The following HTT-AS variants were observed in gnomAD, a reference collection of about 807,000 sequenced individuals.
The protein encoded by HTT-AS is HTT antisense RNA, also known as HTT antisense RNA (head to head).
intron 1 of HTT-AS, among the ~76,000 whole-genome samples, chr4:3,066,310 C>T (rs1203042427): frequency 6.6e-6 from 1 of 152,028 alleles, no homozygotes; most frequent in Non-Finnish European, 1.5e-5. Context: ...GCTGGGATTA[C>T]AGGCTCCCGC....
chr4:3,066,060 G>A (rs199694226), intron 1 of HTT-AS, among the ~76,000 whole-genome samples: 2 of 152,082 alleles, frequency 1.3e-5, no homozygotes, highest in African/African-American at 2.4e-5. Flanking sequence ...AGCAGCTTTC[G>A]GGGCTGGAAG....
chr4:3,071,309 C>T (rs1348575362), intron 1 of HTT-AS, among the ~76,000 whole-genome samples: 1 of 152,206 alleles, frequency 6.6e-6, no homozygotes, highest in African/African-American at 2.4e-5. Context: ...CAGCTCCCAT[C>T]ACCCCAGGAT....
intron 1 of HTT-AS, among the ~76,000 whole-genome samples, chr4:3,064,727 T>C (rs1287103625): frequency 2.0e-5 from 3 of 152,204 alleles, no homozygotes; most frequent in Non-Finnish European, 4.4e-5. Context: ...TAGCACACCT[T>C]AGAGAGCAAA....
intron 1 of HTT-AS, among the ~76,000 whole-genome samples, chr4:3,073,960 G>A (rs1398796642): frequency 6.6e-6 from 1 of 151,920 alleles, no homozygotes; most frequent in African/African-American, 2.4e-5. Context: ...AGGCGTCGGC[G>A]GGGGATCCTT....
At chr4:3,049,657 C>G (rs1200331839) in exon 3 of HTT-AS, among the ~76,000 whole-genome samples, 1 of 152,064 alleles carries the variant, frequency 6.6e-6, no homozygotes, top group Non-Finnish European at 1.5e-5. Context: ...ATGGCAAGGA[C>G]AGTCTTTCTC....
At chr4:3,049,947 C>T (rs200106682) in intron 2 of HTT-AS, among the ~76,000 whole-genome samples, 5 of 127,800 alleles carry the variant, frequency 3.9e-5, no homozygotes, top group East Asian at 2.1e-4. Flanking sequence ...CACACACACA[C>T]ATATACACTT....
intron 1 of HTT-AS, among the ~76,000 whole-genome samples, chr4:3,068,435 G>C (rs1578470371): frequency 6.6e-6 from 1 of 151,516 alleles, no homozygotes; most frequent in African/African-American, 2.4e-5. Context: ...AACACTTCCT[G>C]ATTGAACTGG....
intron 2 of HTT-AS, among the ~76,000 whole-genome samples, chr4:3,055,101 C>A (rs1711782156): frequency 6.6e-6 from 1 of 151,994 alleles, no homozygotes; most frequent in South Asian, 2.1e-4. Context: ...GTAATCCCAT[C>A]ACTTTGGGAG....
intron 2 of HTT-AS, among the ~76,000 whole-genome samples, chr4:3,057,917 C>T (rs1208379309): frequency 6.6e-6 from 1 of 151,972 alleles, no homozygotes; most frequent in East Asian, 1.9e-4. Context: ...GCCACCACGC[C>T]CTGCTGATTA....
At chr4:3,069,446 G>A (rs1039699886) in intron 1 of HTT-AS, among the ~76,000 whole-genome samples, 4 of 151,940 alleles carry the variant, frequency 2.6e-5, no homozygotes, top group East Asian at 1.9e-4. Context: ...GTGAGCCATC[G>A]CGCCCGGCCA....
chr4:3,061,961 G>A (rs1247077046), intron 2 of HTT-AS, among the ~76,000 whole-genome samples: 3 of 129,650 alleles, frequency 2.3e-5, no homozygotes, highest in African/African-American at 5.9e-5. Context: ...CAGCCCGGAC[G>A]ACAGGGCAAG....
chr4:3,062,799 C>T (rs776620425), exon 2 of HTT-AS, among the ~76,000 whole-genome samples: 16 of 151,998 alleles, frequency 1.1e-4, no homozygotes, highest in Non-Finnish European at 2.4e-4. Flanking sequence ...TGAGGAAATC[C>T]TGTGTTGTGT....
At chr4:3,063,796 C>T (rs1283831250) in intron 1 of HTT-AS, 2 of 152,112 alleles carry the variant, frequency 1.3e-5, no homozygotes, top group Non-Finnish European at 2.9e-5. Context: ...CTCAGCCTCC[C>T]CAAGCGCTGG....
At chr4:3,055,395 C>A (rs1407323441) in intron 2 of HTT-AS, among the ~76,000 whole-genome samples, 2 of 152,104 alleles carry the variant, frequency 1.3e-5, no homozygotes, top group Non-Finnish European at 2.9e-5. Flanking sequence ...GGCCTCTAAC[C>A]CAATCCCATG....
chr4:3,070,916 A>G (rs894767295), intron 1 of HTT-AS, among the ~76,000 whole-genome samples: 1 of 152,198 alleles, frequency 6.6e-6, no homozygotes, highest in African/African-American at 2.4e-5. Flanking sequence ...GGCCTCAGAG[A>G]CACCATGCCA....
At chr4:3,054,534 G>A (rs1437615555) in intron 2 of HTT-AS, among the ~76,000 whole-genome samples, 3 of 152,086 alleles carry the variant, frequency 2.0e-5, no homozygotes, top group Non-Finnish European at 2.9e-5. Context: ...AGTTTAGAGG[G>A]TTAAAGGGTT....
intron 2 of HTT-AS, among the ~76,000 whole-genome samples, chr4:3,058,583 A>T (rs571427623): frequency 6.6e-6 from 1 of 152,096 alleles, no homozygotes; most frequent in East Asian, 1.9e-4. Flanking sequence ...CTCCTACCTC[A>T]TCCTGTGACT....
At chr4:3,074,528 C>A (rs1054171678) in exon 1 of HTT-AS, 19 of 291,424 alleles carry the variant, frequency 6.5e-5, no homozygotes, top group Non-Finnish European at 1.1e-4. Context: ...TGAGGCAGAA[C>A]CTGCGGGGGC....
exon 3 of HTT-AS, among the ~76,000 whole-genome samples, chr4:3,049,644 C>T (rs1021317826): frequency 2.6e-5 from 4 of 152,002 alleles, no homozygotes; most frequent in African/African-American, 4.8e-5. Context: ...TGTTGCAGTG[C>T]GGATGGCAAG....
Sources: allele counts gnomAD v4.1 joint callset (sites outside exome capture counted in the v4.1 genomes callset), GRCh38; gene constraint gnomAD v4.1.1; transcripts MANE v1.5; gene names NCBI Gene and HGNC (gene_info 2026-07-23, HGNC 2026-07-21).